SH2D1B: variants seen among roughly 807,000 people sequenced by gnomAD.
SH2D1B encodes the protein SH2 domain containing 1B, also known as SH2 domain-containing protein 1B.
Under a neutral mutation model 16.3 loss-of-function variants are expected in SH2D1B, and 11 were observed. That is an observed-to-expected ratio of 0.67 (90% CI 0.42 to 1.11). The LOEUF is 1.11. Ranked by LOEUF, SH2D1B falls within the 50% of genes most tolerant of loss-of-function variation. SH2D1B has a pLI of 0.00. For synonymous variants in SH2D1B, 55 were observed against 56.1 expected, an observed-to-expected ratio of 0.98 and a Z score of 0.09; for missense variants, 123 against 153.1, an observed-to-expected ratio of 0.80 and a Z score of 1.04.
chr1:162,405,680 C>T (rs139755378), intron 1 of SH2D1B, among the ~76,000 whole-genome samples: 1 of 152,140 alleles, frequency 6.6e-6, no homozygotes, highest in African/African-American at 2.4e-5. Context: ...CTATGGAAAT[C>T]GTTGTCGTCA....
rs1648349014 is a variant in SH2D1B, at chr1:162,395,332, T to C, written c.*1948A>G. ...TATAATGGAGTGAAGACAAAAGGAA[T>C]GTGACTATCTCAATAGATTAGAGAT... On this transcript the variant is annotated 3_prime_UTR_variant, in exon 4 of 4. Transcript: ENST00000367929. 1 of 152,184 alleles carries C rather than the reference T, an allele frequency of 6.6e-6. No individual in the cohort carries two copies. The highest frequency in any genetic ancestry group is 2.4e-5 in the African/African-American group (1 of 41,440). The allele number at this position is 152,184 out of a possible 1,614,324, so 9.4% of individuals were successfully genotyped here.
chr1:162,403,511 A>AATATATATATAT (rs201259868), intron 1 of SH2D1B, among the ~76,000 whole-genome samples: 3 of 42,034 alleles, frequency 7.1e-5, no homozygotes, highest in African/African-American at 2.1e-4. Flanking sequence ...AAAAAAAAAA[A>AATATATATATAT]ATATATATAT....
intron 1 of SH2D1B, among the ~76,000 whole-genome samples, chr1:162,410,629 T>C (rs936352489): frequency 2.6e-5 from 4 of 151,964 alleles, no homozygotes; most frequent in African/African-American, 9.7e-5. Flanking sequence ...TCTTTGATAC[T>C]GTGGCCTGGA....
chr1:162,408,086 G>A (rs1461134369), intron 1 of SH2D1B, among the ~76,000 whole-genome samples: 1 of 152,138 alleles, frequency 6.6e-6, no homozygotes, highest in South Asian at 2.1e-4. Context: ...TTCCCCACTA[G>A]GCTCTGAGTT....
intron 3 of SH2D1B, 86 bp from the exon 4 acceptor site, chr1:162,397,401 A>T (rs1648404529): frequency 6.9e-6 from 10 of 1,440,050 alleles, no homozygotes; most frequent in Non-Finnish European, 9.7e-6. Flanking sequence ...AGGAAAGAAG[A>T]CCCCTCCCCA....
intron 1 of SH2D1B, among the ~76,000 whole-genome samples, chr1:162,403,509 AAAATATATATATATATAT>A: frequency 5.8e-5 from 1 of 17,150 alleles, no homozygotes; most frequent in East Asian, 1.3e-3. Context: ...AAAAAAAAAA[AAAATATATATATATATAT>A]ATATATATAT....
chr1:162,399,692 T>C (rs965857955), intron 2 of SH2D1B, among the ~76,000 whole-genome samples: 11 of 152,160 alleles, frequency 7.2e-5, no homozygotes, highest in African/African-American at 2.7e-4. Context: ...CTGTGTGTGT[T>C]GTTCTCCTCT....
chr1:162,407,555 T>C (rs1436788120), intron 1 of SH2D1B, among the ~76,000 whole-genome samples: 1 of 152,238 alleles, frequency 6.6e-6, no homozygotes, highest in Non-Finnish European at 1.5e-5. Context: ...ACAAATAAGA[T>C]AATGCATGTA....
At chr1:162,411,179 CT>C (rs1203499844) in intron 1 of SH2D1B, among the ~76,000 whole-genome samples, 2 of 152,154 alleles carry the variant, frequency 1.3e-5, no homozygotes, top group Non-Finnish European at 2.9e-5. Flanking sequence ...TGGTCTCAAA[CT>C]CCTGACCTCA....
chr1:162,403,390 G>A (rs946046572), intron 1 of SH2D1B, among the ~76,000 whole-genome samples: 1 of 148,478 alleles, frequency 6.7e-6, no homozygotes, highest in Non-Finnish European at 1.5e-5. Context: ...TCGAGAGGCT[G>A]AGGCACGAGA....
Position 162,399,098 on chromosome 1 carries a change from A to T in SH2D1B, c.199-11T>A, listed in dbSNP as rs1232014483. 6.3e-7 allele frequency: 1 copy of T among 1,597,090 alleles called. No homozygotes were observed. The highest frequency in any genetic ancestry group is 8.5e-7 in the Non-Finnish European group (1 of 1,170,164). On this transcript the variant is annotated splice_polypyrimidine_tract_variant and intron_variant, in intron 2 of 3. Transcript: ENST00000367929. Reference sequence around the variant, plus strand: ...AGAACCTTCTGCAGTCTGCAAAAATACAAGAAAGGAAATCACTCATTATCA... The same window carrying T: ...AGAACCTTCTGCAGTCTGCAAAAATTCAAGAAAGGAAATCACTCATTATCA...
At chr1:162,406,807 G>A (rs1648663093) in intron 1 of SH2D1B, among the ~76,000 whole-genome samples, 2 of 152,166 alleles carry the variant, frequency 1.3e-5, no homozygotes, top group South Asian at 4.1e-4. Flanking sequence ...CTCACCTGCA[G>A]CCTTCCTATG....
intron 2 of SH2D1B, among the ~76,000 whole-genome samples, chr1:162,400,275 T>A (rs1043937730): frequency 2.0e-5 from 3 of 148,176 alleles, no homozygotes; most frequent in African/African-American, 7.4e-5. Context: ...TTACCAGCTA[T>A]ACACCACGTA....
chr1:162,411,672 C>T (rs577887257), intron 1 of SH2D1B, among the ~76,000 whole-genome samples: 11 of 152,176 alleles, frequency 7.2e-5, no homozygotes, highest in Non-Finnish European at 1.6e-4. Context: ...GCAGAGTCTG[C>T]TTGCAGGGCC....
At chr1:162,407,309 A>T (rs1648675206) in intron 1 of SH2D1B, among the ~76,000 whole-genome samples, 1 of 152,208 alleles carries the variant, frequency 6.6e-6, no homozygotes, top group African/African-American at 2.4e-5. Flanking sequence ...GAAGAAGGGG[A>T]CACTGCATAT....
Position 162,396,168 on chromosome 1 carries a change from G to A in SH2D1B, c.*1112C>T, listed in dbSNP as rs1557908765. 6.6e-6 allele frequency: 1 copy of A among 152,186 alleles called. No homozygotes were observed. Among genetic ancestry groups the A allele is most frequent in the African/African-American group, 2.4e-5 (1 of 41,434 alleles). 9.4% of individuals were successfully genotyped at this position (152,186 alleles called of 1,614,324 possible). A position where few individuals can be genotyped will look rare whatever the true frequency, so the allele number is the denominator to read the frequency against. The stretch of plus-strand genomic sequence containing the variant: ...TGTTCATATTACCTCTAAGTCGAGA[G>A]CTCCTCTCTTTTAAAACTCTGAAGA... On this transcript the variant is annotated 3_prime_UTR_variant, in exon 4 of 4. Transcript: ENST00000367929.
At chr1:162,397,535 TG>T (rs1648408081) in intron 3 of SH2D1B, among the ~76,000 whole-genome samples, 3 of 152,208 alleles carry the variant, frequency 2.0e-5, no homozygotes, top group Admixed American at 1.3e-4. Flanking sequence ...CCAGCACAAG[TG>T]TCTCCATTCA....
In SH2D1B at chr1:162,403,511, A is replaced by AAAAAAAAAAAAAAAAAT. The variant is rs1648579325; in HGVS notation, c.135-710_135-709insATTTTTTTTTTTTTTTT. Among the ~76,000 whole-genome samples the AAAAAAAAAAAAAAAAAT allele has an allele frequency of 4.8e-5, 2 of 42,038 alleles. 1 individual carries two copies. The highest frequency in any genetic ancestry group is 8.0e-5 in the Non-Finnish European group (2 of 24,884). 27.6% of individuals were successfully genotyped at this position (42,038 alleles called of 152,430 possible). A position where few individuals can be genotyped will look rare whatever the true frequency, so the allele number is the denominator to read the frequency against. ...CTGAAAAAAAAAAAAAAAAAAAAAAAATATATATATATATATATATATATA... is the reference window on the plus strand; with the variant it reads ...CTGAAAAAAAAAAAAAAAAAAAAAAAAAAAAAAAAAAAAAAATATATATATATATATATATATATATA... On this transcript the variant is annotated intron_variant, in intron 1 of 3. Transcript: ENST00000367929.
Position 162,402,729 on chromosome 1 carries a change from T to G in SH2D1B, c.198+10A>C. The stretch of plus-strand genomic sequence containing the variant: ...TGTGTTGTTGTTGTTGTCGTCCTTT[T>G]TGTTCTTACCTGTATCCTGTAATAC... On this transcript the variant is annotated intron_variant, in intron 2 of 3. Coordinates refer to ENST00000367929, the MANE Select transcript of SH2D1B (RefSeq NM_053282.5). The G allele has an allele frequency of 6.2e-7, 1 of 1,611,506 alleles. No individual in the cohort carries two copies. The highest frequency in any genetic ancestry group is 8.5e-7 in the Non-Finnish European group (1 of 1,177,686).
Sources: gnomAD v4.1 joint callset for allele counts (sites outside exome capture counted in the v4.1 genomes callset) on GRCh38, gnomAD v4.1.1 for gene constraint, MANE v1.5 for transcripts, NCBI Gene and HGNC (gene_info 2026-07-23, HGNC 2026-07-21) for gene names.